Variants in OXCT1 observed in about 807,000 individuals in gnomAD.
OXCT1 encodes the protein succinyl-CoA:3-ketoacid coenzyme A transferase 1, mitochondrial.
In OXCT1, 27 loss-of-function variants were observed where a neutral mutation model predicts 69.6. The ratio of observed to expected loss-of-function variants is 0.39; its 90% CI spans 0.29 to 0.54. OXCT1 has a LOEUF of 0.54. Ranked by LOEUF, OXCT1 falls within the 20% of genes least tolerant of loss-of-function variation. The pLI, the probability that OXCT1 is intolerant of heterozygous loss-of-function variation, is 0.72. For missense variants in OXCT1, 437 were observed against 650.2 expected (o/e 0.67, Z 3.57); for synonymous variants, 202 against 217.8 (o/e 0.93, Z 0.64).
chr5:41,800,584 G>A (rs1746376184), intron 11 of OXCT1, among the ~76,000 whole-genome samples: 1 of 150,900 alleles, frequency 6.6e-6, no homozygotes, highest in Admixed American at 6.6e-5. Context: ...TCTACCAAAG[G>A]CCACAGTTCC....
intron 7 of OXCT1, among the ~76,000 whole-genome samples, chr5:41,818,518 A>G (rs1747364076): frequency 6.6e-6 from 1 of 152,240 alleles, no homozygotes; most frequent in Non-Finnish European, 1.5e-5. Context: ...CGTCCTTCAC[A>G]CTTCAAAAAA....
intron 14 of OXCT1, among the ~76,000 whole-genome samples, chr5:41,755,985 A>G (rs563065458): frequency 1.3e-5 from 2 of 152,234 alleles, no homozygotes; most frequent in South Asian, 4.1e-4. Flanking sequence ...AGGCAGCACA[A>G]GCCAGGAGAG....
chr5:41,781,078 T>C (rs192573572), intron 13 of OXCT1, among the ~76,000 whole-genome samples: 2 of 152,032 alleles, frequency 1.3e-5, no homozygotes, highest in African/African-American at 2.4e-5. Flanking sequence ...TGATTTTGTA[T>C]TTTTTTAGTA....
chr5:41,837,138 C>A (rs1748404939), intron 7 of OXCT1, among the ~76,000 whole-genome samples: 1 of 151,954 alleles, frequency 6.6e-6, no homozygotes, highest in Non-Finnish European at 1.5e-5. Flanking sequence ...TAGTTCTATC[C>A]TCTTTAAAAC....
intron 5 of OXCT1, among the ~76,000 whole-genome samples, chr5:41,845,405 A>G (rs1351973305): frequency 6.6e-6 from 1 of 152,174 alleles, no homozygotes; most frequent in East Asian, 1.9e-4. Flanking sequence ...TACTTCCACT[A>G]TAGACATTAT....
chr5:41,788,823 A>T (rs1441993005), intron 13 of OXCT1, among the ~76,000 whole-genome samples: 2 of 152,206 alleles, frequency 1.3e-5, no homozygotes, highest in Non-Finnish European at 1.5e-5. Context: ...ACAAGAGCAG[A>T]ATATATATTC....
intron 13 of OXCT1, among the ~76,000 whole-genome samples, chr5:41,790,021 GCA>G (rs958659671): frequency 5.9e-5 from 9 of 152,062 alleles, no homozygotes; most frequent in African/African-American, 2.2e-4. Context: ...CTTTTCAAAT[GCA>G]CAAAGATGTG....
intron 7 of OXCT1, among the ~76,000 whole-genome samples, chr5:41,821,031 ACAAT>A (rs1747522078): frequency 1.3e-5 from 2 of 152,190 alleles, no homozygotes; most frequent in Admixed American, 1.3e-4. Context: ...ATGATCTAAA[ACAAT>A]CACAGTGTCT....
At chr5:41,867,629 A>C (rs758831125) in intron 1 of OXCT1, among the ~76,000 whole-genome samples, 1 of 152,230 alleles carries the variant, frequency 6.6e-6, no homozygotes, top group Non-Finnish European at 1.5e-5. Context: ...AGAAGAACAA[A>C]ACAAGGAATG....
intron 7 of OXCT1, among the ~76,000 whole-genome samples, chr5:41,822,235 A>G (rs1284033743): frequency 6.6e-6 from 1 of 152,160 alleles, no homozygotes; most frequent in Non-Finnish European, 1.5e-5. Context: ...TCAGACCCCT[A>G]CTGGGAGTGA....
chr5:41,856,255 G>T (rs1254376296), intron 3 of OXCT1, among the ~76,000 whole-genome samples: 6 of 152,166 alleles, frequency 3.9e-5, no homozygotes, highest in Non-Finnish European at 8.8e-5. Flanking sequence ...AATCAAGAGG[G>T]TCTTTGGGGG....
At chr5:41,781,421 G>A (rs982182114) in intron 13 of OXCT1, among the ~76,000 whole-genome samples, 1 of 151,010 alleles carries the variant, frequency 6.6e-6, no homozygotes, top group African/African-American at 2.4e-5. Context: ...AGTGACCGCA[G>A]GGACACAGCT....
Sources: gnomAD v4.1 joint callset for allele counts (sites outside exome capture counted in the v4.1 genomes callset) on GRCh38, gnomAD v4.1.1 for gene constraint, MANE v1.5 for transcripts, NCBI Gene and HGNC (gene_info 2026-07-23, HGNC 2026-07-21) for gene names.